TSC22D2: variants seen among roughly 807,000 people sequenced by gnomAD.
TSC22D2 encodes TSC22 domain family protein 2.
In TSC22D2, 5 loss-of-function variants were observed where a neutral mutation model predicts 50.1. The ratio of observed to expected loss-of-function variants is 0.10; its 90% CI spans 0.05 to 0.21. TSC22D2 has a LOEUF of 0.21. Among genes scored for constraint, TSC22D2 ranks in the 10% least tolerant of loss-of-function variants. The pLI is 1.00. For synonymous variants in TSC22D2, 501 were observed against 450.1 expected, an observed-to-expected ratio of 1.11 and a Z score of -1.43; for missense variants, 1,003 against 1,015.5, an observed-to-expected ratio of 0.99 and a Z score of 0.17.
chr3:150,458,568 C>G lies in TSC22D2; in HGVS notation c.2203C>G (p.Gln735Glu). 1 of 1,614,160 alleles carries G rather than the reference C, an allele frequency of 6.2e-7. No homozygotes were observed. The highest frequency in any genetic ancestry group is 8.5e-7 in the Non-Finnish European group (1 of 1,180,036). ...QANPGSTSQQ[Q>E]AVIAQPPQPT... ...CAATCCTGGTAGCACTTCTCAACAG[C>G]AAGCAGTGATAGCACAGCCTCCGCA... The change falls in exon 3 of 3, where the codon CAA (glutamine) becomes GAA (glutamate). Residue 735 changes from glutamine (Q) to glutamate (E), a missense_variant. This residue lies in a region of TSC22D2 where 54 missense variants were observed against 51.4 expected (regional missense o/e 1.05). Coordinates refer to ENST00000688009, the MANE Select transcript of TSC22D2 (RefSeq NM_001303264.2).
At chr3:150,435,070 C>G (rs546637986) in intron 1 of TSC22D2, among the ~76,000 whole-genome samples, 1 of 152,156 alleles carries the variant, frequency 6.6e-6, no homozygotes, top group South Asian at 2.1e-4. Flanking sequence ...CTCTGCCTCC[C>G]GGGTTCAAGC....
chr3:150,455,235 T>G (rs1426373044), intron 1 of TSC22D2, among the ~76,000 whole-genome samples: 1 of 152,230 alleles, frequency 6.6e-6, no homozygotes, highest in African/African-American at 2.4e-5. Flanking sequence ...TTGTGGTGAA[T>G]ATGTCTGCAT....
intron 1 of TSC22D2, among the ~76,000 whole-genome samples, chr3:150,425,251 G>T (rs529856465): frequency 6.6e-6 from 1 of 152,086 alleles, no homozygotes. Flanking sequence ...TAGACTGGGC[G>T]CAGTGGCTCC....
Position 150,459,221 on chromosome 3 carries a change from A to G in TSC22D2, c.*585A>G, listed in dbSNP as rs1287418533. 2 of 152,688 alleles carry G rather than the reference A, an allele frequency of 1.3e-5. No individual in the cohort carries two copies. The highest frequency in any genetic ancestry group is 6.5e-5 in the Admixed American group (1 of 15,282). 9.5% of individuals were successfully genotyped at this position (152,688 alleles called of 1,614,324 possible). On this transcript the variant is annotated 3_prime_UTR_variant, in exon 3 of 3. Transcript: ENST00000688009. The stretch of plus-strand genomic sequence containing the variant: ...AAAACGTTTAGGCAATAATTGAACA[A>G]AAGAATCCTGGCATATTTCTAACAC...
Position 150,410,138 on chromosome 3 carries a change from C to A in TSC22D2, c.788C>A (p.Pro263Gln). Residue 263 changes from proline (P) to glutamine (Q), a missense_variant, in exon 1 of 3, where the codon CCG becomes CAG. Coordinates refer to ENST00000688009, the MANE Select transcript of TSC22D2 (RefSeq NM_001303264.2). Reference protein sequence around the residue: ...PPSEKMSQPTPAQPQSFSVGQ... With the variant: ...PPSEKMSQPTQAQPQSFSVGQ... ...TCGGAGAAAATGAGCCAGCCCACTC[C>A]GGCCCAGCCGCAGAGTTTTAGCGTT... The A allele has an allele frequency of 6.2e-7, 1 of 1,611,998 alleles. No homozygotes were observed.
At chr3:150,422,583 A>T (rs956442034) in intron 1 of TSC22D2, among the ~76,000 whole-genome samples, 1 of 152,216 alleles carries the variant, frequency 6.6e-6, no homozygotes, top group African/African-American at 2.4e-5. Context: ...TTCATTGTTA[A>T]TCAAACCTTT....
In TSC22D2 at chr3:150,464,601, G is replaced by A. The variant is rs1341518920; in HGVS notation, c.*5965G>A. 1 of 152,122 alleles carries A rather than the reference G, an allele frequency of 6.6e-6. No homozygotes were observed. Among genetic ancestry groups the A allele is most frequent in the Non-Finnish European group, 1.5e-5 (1 of 68,010 alleles). The allele number at this position is 152,122 out of a possible 1,614,324, so 9.4% of individuals were successfully genotyped here. On this transcript the variant is annotated 3_prime_UTR_variant, in exon 3 of 3. Transcript: ENST00000688009. ...TTGTTTATTCAGAGTATATGTTATAGTTTGTGAACCTTATATCATTTGTTA... is the reference window on the plus strand; with the variant it reads ...TTGTTTATTCAGAGTATATGTTATAATTTGTGAACCTTATATCATTTGTTA...
intron 2 of TSC22D2, among the ~76,000 whole-genome samples, chr3:150,457,440 A>G (rs552009959): frequency 6.6e-6 from 1 of 152,148 alleles, no homozygotes; most frequent in Non-Finnish European, 1.5e-5. Context: ...AAAATACTTT[A>G]GAGTGAAAAA....
chr3:150,428,844 G>A (rs956943732), intron 1 of TSC22D2, among the ~76,000 whole-genome samples: 1 of 152,114 alleles, frequency 6.6e-6, no homozygotes, highest in African/African-American at 2.4e-5. Context: ...CGAGCTTACT[G>A]AAAAGTAAAC....
chr3:150,436,398 G>A (rs1720546008), intron 1 of TSC22D2, among the ~76,000 whole-genome samples: 1 of 152,028 alleles, frequency 6.6e-6, no homozygotes, highest in Non-Finnish European at 1.5e-5. Context: ...AGGTCAAGCA[G>A]TCGGCCCTTT....
intron 1 of TSC22D2, among the ~76,000 whole-genome samples, chr3:150,442,038 A>G (rs1027418803): frequency 1.3e-5 from 2 of 152,154 alleles, no homozygotes; most frequent in Non-Finnish European, 2.9e-5. Context: ...TCAGTGTACT[A>G]TCCTTTCTTA....
At chr3:150,444,974 A>G (rs945017569) in intron 1 of TSC22D2, among the ~76,000 whole-genome samples, 1 of 152,122 alleles carries the variant, frequency 6.6e-6, no homozygotes, top group Non-Finnish European at 1.5e-5. Context: ...TGCTTTTAGT[A>G]ATATTTATTG....
chr3:150,429,662 T>C (rs919397121), intron 1 of TSC22D2, among the ~76,000 whole-genome samples: 1 of 152,124 alleles, frequency 6.6e-6, no homozygotes, highest in African/African-American at 2.4e-5. Flanking sequence ...GGGATTTTAA[T>C]GGAAGATGAA....
intron 1 of TSC22D2, among the ~76,000 whole-genome samples, chr3:150,415,541 C>T (rs985862236): frequency 7.2e-5 from 11 of 152,184 alleles, no homozygotes; most frequent in Non-Finnish European, 1.6e-4. Flanking sequence ...GGGCCAGGAG[C>T]GGTAGCTCAT....
intron 1 of TSC22D2, among the ~76,000 whole-genome samples, chr3:150,422,482 G>A (rs1274254987): frequency 6.6e-6 from 1 of 152,112 alleles, no homozygotes; most frequent in African/African-American, 2.4e-5. Context: ...CAATTGCAGC[G>A]CCATTTTTTG....
intron 1 of TSC22D2, among the ~76,000 whole-genome samples, chr3:150,447,960 G>C (rs1720935229): frequency 6.6e-6 from 1 of 152,114 alleles, no homozygotes; most frequent in Admixed American, 6.5e-5. Flanking sequence ...ATAATGTGCT[G>C]TCATCAGATT....
At chr3:150,428,594 TA>T (rs34028047) in intron 1 of TSC22D2, among the ~76,000 whole-genome samples, 67,627 of 138,356 alleles carry the variant, frequency 0.49, 15,501 homozygotes, top group Middle Eastern at 0.56. Flanking sequence ...CTGGGTATAG[TA>T]AAAAAAAAAA....
intron 1 of TSC22D2, among the ~76,000 whole-genome samples, chr3:150,434,404 A>G (rs1311200309): frequency 6.6e-6 from 1 of 152,132 alleles, no homozygotes; most frequent in Admixed American, 6.5e-5. Flanking sequence ...TGACCTCTCA[A>G]AGTTCTGGGA....
In TSC22D2 at chr3:150,459,601, T is replaced by TA. The variant is rs1721315633; in HGVS notation, c.*966dup. 2.0e-5 allele frequency: 3 copies of TA among 150,018 alleles called. No individual in the cohort carries two copies. The highest frequency in any genetic ancestry group is 7.3e-5 in the African/African-American group (3 of 40,870). The allele number at this position is 150,018 out of a possible 1,614,324, so 9.3% of individuals were successfully genotyped here. A position where few individuals can be genotyped will look rare whatever the true frequency, so the allele number is the denominator to read the frequency against. ...TTTTTTTTTTGTCTTTTTTTTTTTTTATAATGCACATTCTTTATGTATTTT... is the reference window on the plus strand; with the variant it reads ...TTTTTTTTTTGTCTTTTTTTTTTTTTAATAATGCACATTCTTTATGTATTTT... On this transcript the variant is annotated 3_prime_UTR_variant, in exon 3 of 3. Coordinates refer to ENST00000688009, the MANE Select transcript of TSC22D2 (RefSeq NM_001303264.2).
Sources: gnomAD v4.1 joint callset for allele counts (sites outside exome capture counted in the v4.1 genomes callset) on GRCh38, gnomAD v4.1.1 for gene constraint, gnomAD v4.1.1 regional missense constraint, MANE v1.5 for transcripts, NCBI Gene and HGNC (gene_info 2026-07-23, HGNC 2026-07-21) for gene names.